The following ATRN variants were observed in gnomAD, a reference collection of about 807,000 sequenced individuals.
ATRN encodes attractin.
In ATRN, 54 loss-of-function variants were observed where a neutral mutation model predicts 178.7. The ratio of observed to expected loss-of-function variants is 0.30; its 90% CI spans 0.24 to 0.38. The LOEUF (loss-of-function observed/expected upper bound fraction) is 0.38. ATRN is among the 10% of genes least tolerant of loss of function. The pLI is 1.00. For synonymous variants in ATRN, 636 were observed against 663.0 expected (o/e 0.96, Z 0.63); for missense variants, 1,443 against 1,815.1 (o/e 0.79, Z 3.73).
At chr20:3,600,435 C>G (rs1046486623) in intron 22 of ATRN, among the ~76,000 whole-genome samples, 2 of 152,082 alleles carry the variant, frequency 1.3e-5, no homozygotes, top group Non-Finnish European at 2.9e-5. Context: ...CATTTCAGCT[C>G]TATATGCCTT....
chr20:3,580,286 C>CA (rs1256925359), intron 15 of ATRN, among the ~76,000 whole-genome samples: 1 of 152,318 alleles, frequency 6.6e-6, no homozygotes, highest in East Asian at 1.9e-4. Flanking sequence ...TAAAAGGGTT[C>CA]AACCAGGTGG....
rs34398666 is a variant in ATRN, at chr20:3,644,201, C to A, written c.4098C>A (p.Ala1366=). Residue 1366 remains alanine (A), a synonymous_variant, in exon 28 of 29, where the codon GCC becomes GCA. Transcript: ENST00000262919. ...TGGAGCCGTGTTTTGGCAACAAAGC[C>A]GCTGTCCTCTCTGTGTTTGTGAGGC... ...IALEPCFGNK[A]AVLSVFVRLP... is the part of the protein sequence containing the mutation. The A allele has an allele frequency of 1.2e-6, 2 of 1,613,762 alleles. No homozygotes were observed. Among genetic ancestry groups the A allele is most frequent in the African/African-American group, 2.7e-5 (2 of 74,920 alleles).
At chr20:3,579,218 G>A (rs1250936165) in intron 15 of ATRN, among the ~76,000 whole-genome samples, 3 of 152,152 alleles carry the variant, frequency 2.0e-5, no homozygotes, top group African/African-American at 7.2e-5. Context: ...GGATGTGGTG[G>A]CTCACACCTG....
intron 16 of ATRN, 60 bp downstream of exon 16, chr20:3,582,414 G>C: frequency 1.3e-6 from 2 of 1,483,614 alleles, no homozygotes; most frequent in South Asian, 2.3e-5. Context: ...ACCATAGGAG[G>C]CATAGTTCAT....
intron 27 of ATRN, among the ~76,000 whole-genome samples, chr20:3,640,941 C>G (rs2146326425): frequency 6.6e-6 from 1 of 152,300 alleles, no homozygotes; most frequent in Middle Eastern, 3.4e-3. Flanking sequence ...CCAAAGGAAG[C>G]AAATTCTGAC....
chr20:3,644,087 C>A, intron 27 of ATRN, 67 bp from the exon 28 acceptor site: 1 of 1,190,050 alleles, frequency 8.4e-7, no homozygotes. Context: ...GCACAAATGA[C>A]CGTTAAGTTG....
intron 22 of ATRN, among the ~76,000 whole-genome samples, chr20:3,599,318 C>A (rs1230993881): frequency 6.6e-6 from 1 of 152,126 alleles, no homozygotes; most frequent in Non-Finnish European, 1.5e-5. Flanking sequence ...GGATATACTT[C>A]ATGCCATTAA....
intron 24 of ATRN, among the ~76,000 whole-genome samples, chr20:3,616,503 GGT>G (rs1353983204): frequency 6.6e-6 from 1 of 151,976 alleles, no homozygotes. Flanking sequence ...GGGGGAAGGG[GGT>G]GTTCGTGGTG....
chr20:3,526,506 T>C (rs1332224317), intron 1 of ATRN, among the ~76,000 whole-genome samples: 1 of 152,148 alleles, frequency 6.6e-6, no homozygotes, highest in African/African-American at 2.4e-5. Context: ...AATGGCCATA[T>C]TGCTGAAAGT....
chr20:3,539,849 C>T (rs2853218), intron 2 of ATRN, among the ~76,000 whole-genome samples: 28,833 of 151,436 alleles, frequency 0.19, 3,293 homozygotes, highest in Middle Eastern at 0.32. Flanking sequence ...CCTGAAAAAT[C>T]AGAGGGGCTG....
At chr20:3,514,179 G>A (rs532676214) in intron 1 of ATRN, among the ~76,000 whole-genome samples, 18 of 152,232 alleles carry the variant, frequency 1.2e-4, no homozygotes, top group African/African-American at 4.1e-4. Context: ...TATTATTAAT[G>A]ACTATTCCAA....
intron 1 of ATRN, among the ~76,000 whole-genome samples, chr20:3,492,861 G>GCGCA (rs1194730919): frequency 1.6e-5 from 2 of 123,118 alleles, no homozygotes; most frequent in Middle Eastern, 4.0e-3. Flanking sequence ...AGAGGCGCGC[G>GCGCA]CGCGCGTGCG....
Position 3,489,529 on chromosome 20 carries a change from C to T in ATRN, c.410+18012C>T, listed in dbSNP as rs563589148. Reference sequence around the variant, plus strand: ...AAAAGCTGAGCTACATCCCTGAGCACTAGAGCAGTCCTTGTCTTTTCAGAT... The same window carrying T: ...AAAAGCTGAGCTACATCCCTGAGCATTAGAGCAGTCCTTGTCTTTTCAGAT... On this transcript the variant is annotated intron_variant, in intron 1 of 28. Transcript: ENST00000262919. The T allele has an allele frequency of 8.5e-4, 1,217 of 1,427,366 alleles. 3 individuals carry two copies. Among genetic ancestry groups the T allele is most frequent in the Non-Finnish European group, 1.1e-3 (1,157 of 1,012,106 alleles). 88.4% of individuals were successfully genotyped at this position (1,427,366 alleles called of 1,614,324 possible). A position where few individuals can be genotyped will look rare whatever the true frequency, so the allele number is the denominator to read the frequency against.
At chr20:3,481,318 T>G (rs867579046) in intron 1 of ATRN, among the ~76,000 whole-genome samples, 2 of 151,094 alleles carry the variant, frequency 1.3e-5, no homozygotes, top group African/African-American at 2.4e-5. Flanking sequence ...TTGAAAAAGT[T>G]TTTTTTCTTT....
intron 1 of ATRN, among the ~76,000 whole-genome samples, chr20:3,502,507 T>C (rs2084978045): frequency 6.6e-6 from 1 of 152,114 alleles, no homozygotes; most frequent in African/African-American, 2.4e-5. Context: ...GAGTGCAGGC[T>C]AGGTAGGTTG....
At chr20:3,513,091 G>C (rs1261085278) in intron 1 of ATRN, among the ~76,000 whole-genome samples, 1 of 152,090 alleles carries the variant, frequency 6.6e-6, no homozygotes, top group Non-Finnish European at 1.5e-5. Flanking sequence ...TTCTTTTGCT[G>C]TGCAGAAGCT....
intron 19 of ATRN, chr20:3,592,508 G>A: frequency 1.0e-6 from 1 of 979,196 alleles, no homozygotes; most frequent in South Asian, 4.7e-5. Flanking sequence ...ATTATGACAA[G>A]TGATATTAAT....
chr20:3,567,721 T>C (rs1371524294), intron 11 of ATRN, among the ~76,000 whole-genome samples: 7 of 152,242 alleles, frequency 4.6e-5, no homozygotes, highest in East Asian at 3.9e-4. Flanking sequence ...TTGGTTTTCA[T>C]TGAGGTTTTG....
Position 3,522,429 on chromosome 20 carries a change from A to G in ATRN, c.411-12824A>G, listed in dbSNP as rs1201895083. Among the ~76,000 whole-genome samples the G allele has an allele frequency of 5.3e-5, 8 of 152,238 alleles. No homozygotes were observed. The East Asian group carries it at 1.5e-3, about 29-fold the overall frequency. The stretch of plus-strand genomic sequence containing the variant: ...AGCATCCCCAGTCAGGGGCTTATAG[A>G]TAAAACTCCCATCTTCCTGGGACAG... On this transcript the variant is annotated intron_variant, in intron 1 of 28. Coordinates refer to ENST00000262919, the MANE Select transcript of ATRN (RefSeq NM_139321.3).
Sources: gnomAD v4.1 joint callset for allele counts (sites outside exome capture counted in the v4.1 genomes callset) on GRCh38, gnomAD v4.1.1 for gene constraint, MANE v1.5 for transcripts, NCBI Gene and HGNC (gene_info 2026-07-23, HGNC 2026-07-21) for gene names.